The following PPP2R2C variants were observed in gnomAD, a reference collection of about 807,000 sequenced individuals.
PPP2R2C encodes the protein protein phosphatase 2 regulatory subunit Bgamma.
PPP2R2C carries 10 observed loss-of-function variants against 45.3 expected under a neutral mutation model. The observed-to-expected ratio is 0.22, with a 90% CI of 0.14 to 0.37. The LOEUF is 0.37. Among genes scored for constraint, PPP2R2C ranks in the 10% least tolerant of loss-of-function variants. The pLI, the probability that PPP2R2C is intolerant of heterozygous loss-of-function variation, is 1.00. For missense variants in PPP2R2C, 308 were observed against 619.7 expected, an observed-to-expected ratio of 0.50 and a Z score of 5.34; for synonymous variants, 257 against 245.4, an observed-to-expected ratio of 1.05 and a Z score of -0.44.
At chr4:6,464,652 G>A (rs1721499748) in intron 1 of PPP2R2C, among the ~76,000 whole-genome samples, 1 of 152,196 alleles carries the variant, frequency 6.6e-6, no homozygotes, top group African/African-American at 2.4e-5. Context: ...ACTACCTAAT[G>A]TTGATCAGCA....
rs564794679 is a variant in PPP2R2C, at chr4:6,420,612, C to G, written c.71-39518G>C. 3.4e-4 allele frequency among the ~76,000 whole-genome samples: 52 copies of G among 152,256 alleles called. 1 individual carries two copies. The highest frequency in any genetic ancestry group is 2.9e-3 in the South Asian group (14 of 4,824). Reference sequence around the variant, plus strand: ...CACCTGCTTAGGTCTGGAAAGGGAACCACTGTTGGTTAAGCTCTATCTGCG... The same window carrying G: ...CACCTGCTTAGGTCTGGAAAGGGAAGCACTGTTGGTTAAGCTCTATCTGCG... On this transcript the variant is annotated intron_variant, in intron 1 of 8. Coordinates refer to ENST00000382599, the MANE Select transcript of PPP2R2C (RefSeq NM_020416.4).
chr4:6,335,007 C>T (rs576208458), intron 6 of PPP2R2C, among the ~76,000 whole-genome samples: 19 of 152,364 alleles, frequency 1.2e-4, no homozygotes, highest in Middle Eastern at 3.4e-3. Flanking sequence ...GCCACTGCCT[C>T]TCCAGAAATA....
intron 1 of PPP2R2C, among the ~76,000 whole-genome samples, chr4:6,460,724 T>C (rs1437730949): frequency 6.6e-6 from 1 of 152,216 alleles, no homozygotes; most frequent in East Asian, 1.9e-4. Flanking sequence ...TTTCTTTTCC[T>C]CCTTTTCTCT....
chr4:6,482,231 A>G (rs1722378780), intron 2 of PPP2R2C, among the ~76,000 whole-genome samples: 1 of 152,162 alleles, frequency 6.6e-6, no homozygotes, highest in Non-Finnish European at 1.5e-5. Flanking sequence ...TACTGTTCTA[A>G]ACACCTTATA....
chr4:6,559,661 C>A (rs2108846342), intron 1 of PPP2R2C, among the ~76,000 whole-genome samples: 1 of 152,244 alleles, frequency 6.6e-6, no homozygotes, highest in East Asian at 1.9e-4. Context: ...CCTGGGGAAA[C>A]AATTAGAAGG....
Position 6,404,820 on chromosome 4 carries a change from G to A in PPP2R2C, c.71-23726C>T, listed in dbSNP as rs79103957. 8.4e-3 allele frequency among the ~76,000 whole-genome samples: 1,284 copies of A among 152,292 alleles called. 22 individuals carry two copies. Among genetic ancestry groups the A allele is most frequent in the African/African-American group, 0.029 (1,222 of 41,562 alleles). On this transcript the variant is annotated intron_variant, in intron 1 of 8. Transcript: ENST00000382599. The stretch of plus-strand genomic sequence containing the variant: ...GGCAGTGGAGATTCTGAGACACAAC[G>A]GGCAGAGCAGGCGAGGGGGCTGCAT...
chr4:6,379,958 C>G (rs1190216168), intron 2 of PPP2R2C: 1 of 152,280 alleles, frequency 6.6e-6, no homozygotes, highest in Non-Finnish European at 1.5e-5. Flanking sequence ...TCCTCCCCTC[C>G]CTCCTACCTC....
At chr4:6,392,647 T>TGAGCTCA (rs1716732853) in intron 1 of PPP2R2C, among the ~76,000 whole-genome samples, 1 of 152,152 alleles carries the variant, frequency 6.6e-6, no homozygotes, top group South Asian at 2.1e-4. Flanking sequence ...GGGCAGGACA[T>TGAGCTCA]GAGCTCAGAG....
intron 1 of PPP2R2C, among the ~76,000 whole-genome samples, chr4:6,547,685 C>A (rs780514356): frequency 2.0e-5 from 3 of 152,126 alleles, no homozygotes; most frequent in African/African-American, 7.2e-5. Context: ...AAGGACCCAG[C>A]GTCTGCAATG....
intron 2 of PPP2R2C, among the ~76,000 whole-genome samples, chr4:6,530,421 C>T (rs955500296): frequency 7.2e-5 from 11 of 152,158 alleles, no homozygotes; most frequent in Non-Finnish European, 1.5e-5. Flanking sequence ...CCCCGTGAAA[C>T]CCTGGGATCC....
chr4:6,354,736 G>C (rs1028571421), intron 5 of PPP2R2C, among the ~76,000 whole-genome samples: 4 of 148,880 alleles, frequency 2.7e-5, no homozygotes, highest in Non-Finnish European at 5.9e-5. Flanking sequence ...GACAGGCTCA[G>C]AGGGTTCCAC....
chr4:6,531,918 T>C lies in PPP2R2C; in HGVS notation c.49+3353A>G, dbSNP rs561570374. ...CAGACACCGGATGCCCCGTCCTGCATGTATTCACATCGGTCTTCCCAGGTC... is the reference window on the plus strand; with the variant it reads ...CAGACACCGGATGCCCCGTCCTGCACGTATTCACATCGGTCTTCCCAGGTC... On this transcript the variant is annotated intron_variant, in intron 2 of 9. Transcript: ENST00000506140. Among the ~76,000 whole-genome samples, 94 of 152,306 alleles carry C rather than the reference T, an allele frequency of 6.2e-4. 1 individual carries two copies. The highest frequency in any genetic ancestry group is 1.1e-3 in the Non-Finnish European group (74 of 68,014).
Position 6,440,492 on chromosome 4 carries a change from G to A in PPP2R2C, c.70+31668C>T, listed in dbSNP as rs1211932723. Reference sequence around the variant, plus strand: ...TCTAAGGGAGGCCCAAGCTCCCTCAGCACCATGGCACTGACCAGAGGCTTT... The same window carrying A: ...TCTAAGGGAGGCCCAAGCTCCCTCAACACCATGGCACTGACCAGAGGCTTT... On this transcript the variant is annotated intron_variant, in intron 1 of 8. Coordinates refer to ENST00000382599, the MANE Select transcript of PPP2R2C (RefSeq NM_020416.4). Among the ~76,000 whole-genome samples, 3 of 152,306 alleles carry A rather than the reference G, an allele frequency of 2.0e-5. No homozygotes were observed. The East Asian group carries it at 5.8e-4, about 29-fold the overall frequency.
chr4:6,491,196 A>G (rs1298818538), intron 2 of PPP2R2C, among the ~76,000 whole-genome samples: 1 of 152,090 alleles, frequency 6.6e-6, no homozygotes, highest in Non-Finnish European at 1.5e-5. Context: ...AGGAATTTGT[A>G]TTGTTGGGTG....
chr4:6,525,274 A>C (rs1724161989), intron 2 of PPP2R2C, among the ~76,000 whole-genome samples: 1 of 151,606 alleles, frequency 6.6e-6, no homozygotes. Context: ...GCATGGTGGC[A>C]TGTGCCTGTA....
At position 6,424,047 on chromosome 4, in the gene PPP2R2C, AGG is replaced by A. The variant is rs1360046541; in HGVS notation, c.71-42955_71-42954del. 3.3e-5 allele frequency among the ~76,000 whole-genome samples: 5 copies of A among 152,348 alleles called. No individual in the cohort carries two copies. The East Asian group carries it at 5.8e-4, about 18-fold the overall frequency. On this transcript the variant is annotated intron_variant, in intron 1 of 8. Transcript: ENST00000382599. The stretch of plus-strand genomic sequence containing the variant: ...TCTGCCAGGGTCCCCGGCTGGAGGA[AGG>A]GCCACGGCAGAAGCTGCTAAGGATG...
chr4:6,446,974 C>T (rs908343787), intron 1 of PPP2R2C, among the ~76,000 whole-genome samples: 6 of 151,946 alleles, frequency 3.9e-5, no homozygotes, highest in South Asian at 4.2e-4. Context: ...ATTCAGACCA[C>T]GGTGCGGGGC....
At chr4:6,381,359 A>C (rs926024549) in intron 1 of PPP2R2C, 13 of 1,496,716 alleles carry the variant, frequency 8.7e-6, no homozygotes, top group Admixed American at 6.1e-5. Context: ...AGTGGCTGGC[A>C]GACTTTATAG....
In PPP2R2C at chr4:6,321,177, T is replaced by C. The variant is rs1731530756; in HGVS notation, c.*2125A>G. 1 of 152,286 alleles carries C rather than the reference T, an allele frequency of 6.6e-6. No homozygotes were observed. The highest frequency in any genetic ancestry group is 2.1e-4 in the South Asian group (1 of 4,838). The allele number at this position is 152,286 out of a possible 1,614,324, so 9.4% of individuals were successfully genotyped here. A position where few individuals can be genotyped will look rare whatever the true frequency, so the allele number is the denominator to read the frequency against. On this transcript the variant is annotated 3_prime_UTR_variant, in exon 9 of 9. Transcript: ENST00000382599. ...TGTAAGATTTGTACTTTGAAGATGGTAAATGTTAAATCTATGATGTGACAG... is the reference window on the plus strand; with the variant it reads ...TGTAAGATTTGTACTTTGAAGATGGCAAATGTTAAATCTATGATGTGACAG...
Sources: allele counts gnomAD v4.1 joint callset (sites outside exome capture counted in the v4.1 genomes callset), GRCh38; gene constraint gnomAD v4.1.1; transcripts MANE v1.5; gene names NCBI Gene and HGNC (gene_info 2026-07-23, HGNC 2026-07-21).